PGAP1: variants seen among roughly 807,000 people sequenced by gnomAD.
PGAP1 encodes post-GPI attachment to proteins inositol deacylase 1, also known as GPI inositol-deacylase.
Under a neutral mutation model 127.0 loss-of-function variants are expected in PGAP1, and 76 were observed. The observed-to-expected ratio is 0.60, with a 90% CI of 0.50 to 0.72. PGAP1 has a LOEUF of 0.72. Ranked by LOEUF, PGAP1 falls within the 30% of genes least tolerant of loss-of-function variation. PGAP1 has a pLI of 0.00. For synonymous variants in PGAP1, 362 were observed against 366.5 expected, an observed-to-expected ratio of 0.99 and a Z score of 0.14; for missense variants, 982 against 1,071.3, an observed-to-expected ratio of 0.92 and a Z score of 1.16.
Position 196,898,274 on chromosome 2 carries a change from C to G in PGAP1, c.860+43G>C. On this transcript the variant is annotated intron_variant, in intron 6 of 26. Transcript: ENST00000354764. ...ATTACTGCATTGAGGAGAAAGAGGA[C>G]CATGACAACTCATCAAAACAAGTTA... 6 of 1,347,730 alleles carry G rather than the reference C, an allele frequency of 4.5e-6. 1 individual carries two copies. The South Asian group carries it at 7.5e-5, about 17-fold the overall frequency. 83.5% of individuals were successfully genotyped at this position (1,347,730 alleles called of 1,614,324 possible). A position where few individuals can be genotyped will look rare whatever the true frequency, so the allele number is the denominator to read the frequency against.
intron 20 of PGAP1, among the ~76,000 whole-genome samples, chr2:196,858,003 G>C (rs180951412): frequency 6.6e-6 from 1 of 152,010 alleles, no homozygotes; most frequent in East Asian, 1.9e-4. Context: ...TTCCTTTAGA[G>C]AGCCTCTTTC....
At chr2:196,862,045 C>G (rs534630674) in intron 20 of PGAP1, among the ~76,000 whole-genome samples, 193 of 151,910 alleles carry the variant, frequency 1.3e-3, no homozygotes, top group African/African-American at 4.5e-3. Context: ...AGGATAACAG[C>G]AATGTTTAGG....
intron 1 of PGAP1, among the ~76,000 whole-genome samples, chr2:196,925,753 TGA>T (rs1014964512): frequency 6.6e-6 from 1 of 152,152 alleles, no homozygotes. Context: ...GCTCGGCTGC[TGA>T]GAGACATGCA....
intron 14 of PGAP1, chr2:196,873,996 A>C: frequency 2.8e-6 from 1 of 362,588 alleles, no homozygotes; most frequent in Non-Finnish European, 4.9e-6. Flanking sequence ...ATATAATTCC[A>C]ATTTCAGAAA....
chr2:196,925,699 A>ATCCCACAGCCCCAGGGTTGCC (rs1703335733), intron 1 of PGAP1, among the ~76,000 whole-genome samples: 1 of 152,150 alleles, frequency 6.6e-6, no homozygotes, highest in African/African-American at 2.4e-5. Context: ...GCGAGAAAAC[A>ATCCCACAGCCCCAGGGTTGCC]AAAATAGCAC....
rs185962294 is a variant in PGAP1, at chr2:196,889,622, C to T, written c.1173+1206G>A. On this transcript the variant is annotated intron_variant, in intron 10 of 26. Coordinates refer to ENST00000354764, the MANE Select transcript of PGAP1 (RefSeq NM_024989.4). ...CTGTAATCCCAGCACTTTGGGAGGC[C>T]GAGGCGGGCGGATCACGAGGTCAGG... is the stretch of plus-strand genomic sequence containing the variant. Among the ~76,000 whole-genome samples the T allele has an allele frequency of 5.9e-3, 888 of 151,672 alleles. 3 individuals are homozygous for T. Among genetic ancestry groups the T allele is most frequent in the African/African-American group, 0.019 (805 of 41,386 alleles).
chr2:196,912,144 C>A (rs1653359290), intron 4 of PGAP1, among the ~76,000 whole-genome samples: 1 of 152,086 alleles, frequency 6.6e-6, no homozygotes, highest in Non-Finnish European at 1.5e-5. Context: ...TCTTTAAAAT[C>A]CATAACATAC....
chr2:196,897,077 A>C, intron 7 of PGAP1, 54 bp downstream of exon 7: 7 of 1,017,606 alleles, frequency 6.9e-6, no homozygotes, highest in South Asian at 3.1e-5. Context: ...GCTGTAAATG[A>C]TATAGTAAAG....
intron 10 of PGAP1, among the ~76,000 whole-genome samples, chr2:196,889,873 A>G (rs988727387): frequency 1.4e-4 from 21 of 151,712 alleles, no homozygotes; most frequent in South Asian, 2.1e-4. Context: ...AAAAAAAAAA[A>G]AAAAAGAAAA....
chr2:196,890,236 C>T (rs1275696779), intron 10 of PGAP1, among the ~76,000 whole-genome samples: 1 of 152,102 alleles, frequency 6.6e-6, no homozygotes, highest in African/African-American at 2.4e-5. Context: ...CACCTAGCTT[C>T]CATTCCTAAT....
At chr2:196,871,078 T>C (rs1701395750) in intron 18 of PGAP1, 99 bp from the exon 19 acceptor site, 2 of 811,398 alleles carry the variant, frequency 2.5e-6, no homozygotes, top group Non-Finnish European at 2.0e-6. Context: ...AGCATAATAA[T>C]TGATTTTCTA....
At chr2:196,870,920 C>A in intron 19 of PGAP1, 21 bp downstream of exon 19, 1 of 1,595,878 alleles carries the variant, frequency 6.3e-7, no homozygotes, top group Admixed American at 1.7e-5. Context: ...AAATAATCAA[C>A]CAGCCAGGAA....
At chr2:196,859,619 A>T (rs1179233599) in intron 20 of PGAP1, among the ~76,000 whole-genome samples, 1 of 152,208 alleles carries the variant, frequency 6.6e-6, no homozygotes, top group Non-Finnish European at 1.5e-5. Context: ...ATCCTCTACA[A>T]AATACTAGCA....
intron 16 of PGAP1, 44 bp from the exon 17 acceptor site, chr2:196,873,070 C>T: frequency 1.6e-6 from 1 of 621,400 alleles, no homozygotes; most frequent in Non-Finnish European, 2.9e-6. Flanking sequence ...ACATGTTACC[C>T]TAAATGTTAC....
At chr2:196,854,638 G>C (rs1700820684) in intron 20 of PGAP1, among the ~76,000 whole-genome samples, 1 of 151,984 alleles carries the variant, frequency 6.6e-6, no homozygotes, top group East Asian at 1.9e-4. Flanking sequence ...TATCACTTTG[G>C]GGCTTTCATC....
At chr2:196,874,260 C>A (rs1211437849) in intron 14 of PGAP1, among the ~76,000 whole-genome samples, 1 of 151,706 alleles carries the variant, frequency 6.6e-6, no homozygotes, top group Admixed American at 6.6e-5. Flanking sequence ...ATAACTTAAG[C>A]AAAAATATAT....
chr2:196,858,055 C>G (rs764200612), intron 20 of PGAP1, among the ~76,000 whole-genome samples: 14 of 152,046 alleles, frequency 9.2e-5, no homozygotes, highest in Non-Finnish European at 1.6e-4. Context: ...AAACGAATGA[C>G]CAACTGGACT....
chr2:196,883,674 G>A (rs942757653), intron 12 of PGAP1, among the ~76,000 whole-genome samples: 1 of 152,146 alleles, frequency 6.6e-6, no homozygotes, highest in Non-Finnish European at 1.5e-5. Flanking sequence ...TCAGTCCACA[G>A]AAATGCCTAA....
At chr2:196,897,551 A>G (rs186800617) in intron 6 of PGAP1, among the ~76,000 whole-genome samples, 1 of 152,288 alleles carries the variant, frequency 6.6e-6, no homozygotes, top group Admixed American at 6.5e-5. Context: ...AAGTCAAAAG[A>G]GAATCTTTAA....
Sources: gnomAD v4.1 joint callset for allele counts (sites outside exome capture counted in the v4.1 genomes callset) on GRCh38, gnomAD v4.1.1 for gene constraint, MANE v1.5 for transcripts, NCBI Gene and HGNC (gene_info 2026-07-23, HGNC 2026-07-21) for gene names.